The following CCDC186 variants were observed in gnomAD, a reference collection of about 807,000 sequenced individuals.
CCDC186 encodes the protein coiled-coil domain-containing protein 186.
A neutral mutation model predicts 113.7 loss-of-function variants in CCDC186; 49 were observed. The ratio of observed to expected loss-of-function variants is 0.43; its 90% CI spans 0.34 to 0.55. The LOEUF is 0.55. Ranked by LOEUF, CCDC186 falls within the 20% of genes least tolerant of loss-of-function variation. The pLI, the probability that CCDC186 is intolerant of heterozygous loss-of-function variation, is 0.02. For missense variants in CCDC186, 890 were observed against 1,011.1 expected (o/e 0.88, Z 1.62); for synonymous variants, 355 against 345.8 (o/e 1.03, Z -0.30).
intron 1 of CCDC186, among the ~76,000 whole-genome samples, chr10:114,168,589 C>T (rs189584784): frequency 1.3e-5 from 2 of 152,298 alleles, no homozygotes; most frequent in East Asian, 1.9e-4. Flanking sequence ...CTCGACTGGT[C>T]TTGTGACTTG....
At chr10:114,164,065 A>AGAGTGTGT (rs1554930659) in intron 1 of CCDC186, among the ~76,000 whole-genome samples, 1 of 107,032 alleles carries the variant, frequency 9.3e-6, no homozygotes, top group African/African-American at 3.8e-5. Flanking sequence ...ACCAAGTTAG[A>AGAGTGTGT]GTGTGTGTGT....
intron 1 of CCDC186, among the ~76,000 whole-genome samples, chr10:114,171,081 G>T (rs2032481084): frequency 6.6e-6 from 1 of 152,126 alleles, no homozygotes; most frequent in Admixed American, 6.5e-5. Flanking sequence ...TATCAGAAAT[G>T]ACTTCCTACT....
chr10:114,137,103 C>T (rs998400514), intron 7 of CCDC186, 83 bp downstream of exon 7: 56 of 1,026,340 alleles, frequency 5.5e-5, no homozygotes, highest in Non-Finnish European at 7.3e-5. Context: ...GGCGACAGAG[C>T]GAGACTCCAT....
At chr10:114,157,775 T>G in intron 2 of CCDC186, 95 bp from the exon 3 acceptor site, 1 of 865,972 alleles carries the variant, frequency 1.2e-6, no homozygotes, top group African/African-American at 1.8e-5. Flanking sequence ...AGGGTACAGA[T>G]ATCTATAATT....
chr10:114,146,592 A>T (rs2031647492), intron 4 of CCDC186, among the ~76,000 whole-genome samples: 1 of 152,210 alleles, frequency 6.6e-6, no homozygotes, highest in African/African-American at 2.4e-5. Context: ...TCATTTAAAA[A>T]TTTTCTATTA....
At chr10:114,132,239 T>C in intron 10 of CCDC186, 55 bp from the exon 11 acceptor site, 1 of 1,292,522 alleles carries the variant, frequency 7.7e-7, no homozygotes, top group Non-Finnish European at 1.0e-6. Flanking sequence ...GACATTAAAT[T>C]AATGGTTTGG....
chr10:114,162,775 T>C lies in CCDC186; in HGVS notation c.494A>G (p.Glu165Gly). 6.2e-7 allele frequency: 1 copy of C among 1,613,998 alleles called. No individual in the cohort carries two copies. Among genetic ancestry groups the C allele is most frequent in the Non-Finnish European group, 8.5e-7 (1 of 1,179,930 alleles). ...SVSASEDLLE[E>G]IESELLSTEF... ...CGTAGATAAGAGCTCAGATTCTATTTCTTCCAACAAATCCTCTGATGCTGA... is the reference window on the plus strand; with the variant it reads ...CGTAGATAAGAGCTCAGATTCTATTCCTTCCAACAAATCCTCTGATGCTGA... The change falls in exon 2 of 16, where the codon GAA becomes GGA. Residue 165 changes from glutamate to glycine, a missense_variant. Physicochemically the swap from Glu to Gly is moderately conservative, Grantham distance 98. Transcript: ENST00000369287.
intron 1 of CCDC186, among the ~76,000 whole-genome samples, chr10:114,165,671 C>T (rs557234496): frequency 2.6e-5 from 4 of 152,040 alleles, no homozygotes; most frequent in East Asian, 1.9e-4. Flanking sequence ...GCCTGGGCGA[C>T]GGAGCGAGAC....
chr10:114,172,802 T>C (rs2032540330), intron 1 of CCDC186, among the ~76,000 whole-genome samples: 1 of 152,200 alleles, frequency 6.6e-6, no homozygotes, highest in Admixed American at 6.5e-5. Flanking sequence ...ATTTGTGTAA[T>C]GTTGGATAAA....
In CCDC186 at chr10:114,132,023, G is replaced by A; in HGVS notation, c.1817C>T (p.Ser606Phe). The A allele has an allele frequency of 1.2e-6, 2 of 1,613,322 alleles. No homozygotes were observed. The highest frequency in any genetic ancestry group is 8.5e-7 in the Non-Finnish European group (1 of 1,179,680). The change falls in exon 11 of 16, where the codon TCC becomes TTC. Residue 606 changes from serine (S) to phenylalanine (F), a missense_variant. By Grantham distance (155) the Ser-to-Phe change is radical (BLOSUM62 -2). Transcript: ENST00000369287. ...TSKNAQLQSE[S>F]NSLQSQFDKV... ...ATCAAATTGTGACTGCAAAGAATTG[G>A]ATTCAGACTGAAGCTGTGCATTCTT...
chr10:114,164,112 A>T (rs1159719831), intron 1 of CCDC186, among the ~76,000 whole-genome samples: 5,850 of 103,290 alleles, frequency 0.057, 377 homozygotes, highest in African/African-American at 0.091. Flanking sequence ...GTATATATAT[A>T]TATTTTTTTT....
At chr10:114,126,241 C>A in intron 14 of CCDC186, 136 bp from the exon 15 acceptor site, 2 of 664,000 alleles carry the variant, frequency 3.0e-6, no homozygotes, top group Non-Finnish European at 2.5e-6. Flanking sequence ...GAAAAGAATT[C>A]TCCTTATTCA....
At chr10:114,148,985 TAAAC>T (rs1214630841) in intron 4 of CCDC186, among the ~76,000 whole-genome samples, 1 of 152,240 alleles carries the variant, frequency 6.6e-6, no homozygotes, top group African/African-American at 2.4e-5. Flanking sequence ...AGATGAAAGA[TAAAC>T]AAGTGTTCAT....
rs116967464 is a variant in CCDC186, at chr10:114,151,477, C to T, written c.760-257G>A. 5.4e-3 allele frequency among the ~76,000 whole-genome samples: 824 copies of T among 152,320 alleles called. 5 individuals are homozygous for T. Among genetic ancestry groups the T allele is most frequent in the Non-Finnish European group, 7.0e-3 (479 of 68,030 alleles). On this transcript the variant is annotated intron_variant, in intron 3 of 15. Transcript: ENST00000369287. Reference sequence around the variant, plus strand: ...AACACAAAGAAATACAGTAGAGTCCCGCCTTATCTGTGGCTTCACTTTCTA... The same window carrying T: ...AACACAAAGAAATACAGTAGAGTCCTGCCTTATCTGTGGCTTCACTTTCTA...
rs754335959 is a variant in CCDC186, at chr10:114,132,163, A to G, written c.1677T>C (p.Asn559=). Residue 559 remains asparagine (N), a synonymous_variant, in exon 11 of 16, where the codon AAT becomes AAC. Coordinates refer to ENST00000369287, the MANE Select transcript of CCDC186 (RefSeq NM_018017.4). The stretch of plus-strand genomic sequence containing the variant: ...TAAGACTTTCCACTTCTTCTTTCAA[A>G]TTTTCAATTTCTTGCTTACCTCTAA... ...QLQRGKQEIE[N]LKEEVESLNS... The G allele has an allele frequency of 1.8e-5, 28 of 1,598,290 alleles. No homozygotes were observed. The highest frequency in any genetic ancestry group is 2.3e-5 in the Non-Finnish European group (27 of 1,172,258).
intron 7 of CCDC186, 69 bp from the exon 8 acceptor site, chr10:114,136,315 G>T: frequency 9.5e-7 from 1 of 1,052,536 alleles, no homozygotes; most frequent in Non-Finnish European, 1.4e-6. Flanking sequence ...GAGAATACTC[G>T]TCTCTAATCC....
At chr10:114,164,072 G>C (rs2032256927) in intron 1 of CCDC186, among the ~76,000 whole-genome samples, 1 of 112,742 alleles carries the variant, frequency 8.9e-6, no homozygotes. Context: ...TAGAGTGTGT[G>C]TGTGTGTGTG....
At chr10:114,167,971 G>A (rs2032385180) in intron 1 of CCDC186, among the ~76,000 whole-genome samples, 1 of 152,024 alleles carries the variant, frequency 6.6e-6, no homozygotes, top group African/African-American at 2.4e-5. Context: ...GAGCAAGAGT[G>A]AGACTCGTTC....
At chr10:114,130,180 A>G (rs1274090492) in intron 12 of CCDC186, 2 of 387,696 alleles carry the variant, frequency 5.2e-6, no homozygotes, top group Non-Finnish European at 9.4e-6. Context: ...AAACAACATT[A>G]TAACTGACAC....
Sources: gnomAD v4.1 joint callset for allele counts (sites outside exome capture counted in the v4.1 genomes callset) on GRCh38, gnomAD v4.1.1 for gene constraint, MANE v1.5 for transcripts, NCBI Gene and HGNC (gene_info 2026-07-23, HGNC 2026-07-21) for gene names.